The following FBXO32 variants were observed in gnomAD, a reference collection of about 807,000 sequenced individuals.
FBXO32 encodes the protein F-box only protein 32.
In FBXO32, 15 loss-of-function variants were observed where a neutral mutation model predicts 48.3. The ratio of observed to expected loss-of-function variants is 0.31; its 90% confidence interval spans 0.21 to 0.48. FBXO32 has a LOEUF of 0.48. Ranked by LOEUF, FBXO32 falls within the 20% of genes least tolerant of loss-of-function variation. The pLI is 0.99. For missense variants in FBXO32, 309 were observed against 432.7 expected (o/e 0.71, Z 2.54); for synonymous variants, 154 against 165.9 (o/e 0.93, Z 0.55).
chr8:123,516,678 T>C (rs1350896146), intron 4 of FBXO32, among the ~76,000 whole-genome samples: 3 of 152,198 alleles, frequency 2.0e-5, no homozygotes, highest in African/African-American at 7.2e-5. Context: ...TTCCTGAATG[T>C]AATTTTACTT....
chr8:123,533,224 T>G lies in FBXO32; in HGVS notation c.246A>C (p.Lys82Asn), dbSNP rs747063475. ...KTKTQYFHQEKWIYVHKGSTK... is the reference protein window; with the variant it reads ...KTKTQYFHQENWIYVHKGSTK... ...TACTTCCTTTGTGAACATAGATCCATTTTTCTTGGTGGAAATCTACAGAGA... is the reference window on the plus strand; with the variant it reads ...TACTTCCTTTGTGAACATAGATCCAGTTTTCTTGGTGGAAATCTACAGAGA... The change falls in exon 3 of 9, where the codon AAA becomes AAC. Residue 82 changes from lysine (K) to asparagine (N), a missense_variant. Lys to Asn is a moderately conservative substitution (Grantham distance 94, BLOSUM62 0). Transcript: ENST00000517956. 3.7e-6 allele frequency: 6 copies of G among 1,612,502 alleles called. No homozygotes were observed. In the South Asian group the frequency reaches 6.6e-5, roughly 18 times the overall value.
At chr8:123,539,516 G>A (rs1252762377) in intron 1 of FBXO32, among the ~76,000 whole-genome samples, 1 of 152,094 alleles carries the variant, frequency 6.6e-6, no homozygotes, top group African/African-American at 2.4e-5. Flanking sequence ...ACTCCCCTGG[G>A]ACAGCCTCCA....
At position 123,498,179 on chromosome 8, in the gene FBXO32, G is replaced by A. The variant is rs988594063; in HGVS notation, c.*5194C>T. The A allele has an allele frequency of 2.0e-5, 3 of 152,186 alleles. No homozygotes were observed. The highest frequency in any genetic ancestry group is 4.8e-5 in the African/African-American group (2 of 41,430). 9.4% of individuals were successfully genotyped at this position (152,186 alleles called of 1,614,324 possible). On this transcript the variant is annotated 3_prime_UTR_variant, in exon 9 of 9. Transcript: ENST00000517956. ...CAGGCTGTAATATACGCCCACTTTA[G>A]CCATGGTGATTGGCACTTGGTAGAA...
At chr8:123,528,244 C>A (rs1056601837) in intron 4 of FBXO32, among the ~76,000 whole-genome samples, 2 of 152,138 alleles carry the variant, frequency 1.3e-5, no homozygotes, top group Non-Finnish European at 1.5e-5. Context: ...CACTGCAGAG[C>A]CATTACATGG....
intron 4 of FBXO32, among the ~76,000 whole-genome samples, chr8:123,531,316 G>A (rs922685447): frequency 3.3e-5 from 5 of 152,138 alleles, no homozygotes; most frequent in African/African-American, 1.2e-4. Context: ...GTGGACATGG[G>A]ACTGAATACT....
chr8:123,510,771 C>T (rs966281881), intron 6 of FBXO32, among the ~76,000 whole-genome samples: 1 of 152,250 alleles, frequency 6.6e-6, no homozygotes, highest in African/African-American at 2.4e-5. Context: ...TACTGACTGT[C>T]TCCGGCTCTG....
chr8:123,535,598 C>T (rs1817293618), intron 1 of FBXO32, among the ~76,000 whole-genome samples: 1 of 152,196 alleles, frequency 6.6e-6, no homozygotes, highest in Non-Finnish European at 1.5e-5. Flanking sequence ...TGGGCAGGCT[C>T]ATCTCGGGCC....
Position 123,513,159 on chromosome 8 carries a change from G to A in FBXO32, c.651+39C>T. Reference sequence around the variant, plus strand: ...GAGTCTGTCCAGTATCCCTGTGGAGGGACCCACTGCCGGGAGGAGGCTGGG... The same window carrying A: ...GAGTCTGTCCAGTATCCCTGTGGAGAGACCCACTGCCGGGAGGAGGCTGGG... On this transcript the variant is annotated intron_variant, in intron 6 of 8. Coordinates refer to ENST00000517956, the MANE Select transcript of FBXO32 (RefSeq NM_058229.4). This position sits in a 1 kb window ranked among gnomAD's most constrained non-coding sequence, Gnocchi z 4.3. 1.2e-6 allele frequency: 2 copies of A among 1,607,274 alleles called. No homozygotes were observed.
intron 4 of FBXO32, among the ~76,000 whole-genome samples, chr8:123,523,036 G>T (rs529290013): frequency 6.6e-6 from 1 of 152,176 alleles, no homozygotes; most frequent in African/African-American, 2.4e-5. Flanking sequence ...GCAATTTGCC[G>T]CATGTGGAGA....
At chr8:123,536,821 CTCTTT>C (rs1817317286) in intron 1 of FBXO32, among the ~76,000 whole-genome samples, 1 of 152,194 alleles carries the variant, frequency 6.6e-6, no homozygotes, top group African/African-American at 2.4e-5. Flanking sequence ...TTTCATCTTA[CTCTTT>C]TCCAATTGAA....
At chr8:123,505,908 C>A (rs1393138248) in intron 7 of FBXO32, among the ~76,000 whole-genome samples, 3 of 152,072 alleles carry the variant, frequency 2.0e-5, no homozygotes, top group Non-Finnish European at 2.9e-5. Flanking sequence ...GAAACACACA[C>A]ACACACAACA....
chr8:123,526,502 CA>C (rs1817080127), intron 4 of FBXO32, among the ~76,000 whole-genome samples: 1 of 152,140 alleles, frequency 6.6e-6, no homozygotes, highest in Non-Finnish European at 1.5e-5. Flanking sequence ...GCTGGGATTA[CA>C]GACGTGAGCC....
chr8:123,513,089 A>T lies in FBXO32; in HGVS notation c.651+109T>A, dbSNP rs1265974608. 1 of 1,215,670 alleles carries T rather than the reference A, an allele frequency of 8.2e-7. No individual in the cohort carries two copies. Among genetic ancestry groups the T allele is most frequent in the Non-Finnish European group, 1.2e-6 (1 of 861,742 alleles). 75.3% of individuals were successfully genotyped at this position (1,215,670 alleles called of 1,614,324 possible). ...CACCAGAACAAAGCAGCAGATCAGAAAAGACCAGACTCTTCCGTCACAGGA... is the reference window on the plus strand; with the variant it reads ...CACCAGAACAAAGCAGCAGATCAGATAAGACCAGACTCTTCCGTCACAGGA... On this transcript the variant is annotated intron_variant, in intron 6 of 8. Coordinates refer to ENST00000517956, the MANE Select transcript of FBXO32 (RefSeq NM_058229.4). This position sits in a 1 kb window ranked among gnomAD's most constrained non-coding sequence, Gnocchi z 4.3.
chr8:123,524,965 T>C (rs925142099), intron 4 of FBXO32, among the ~76,000 whole-genome samples: 5 of 152,250 alleles, frequency 3.3e-5, no homozygotes, highest in Admixed American at 2.0e-4. Flanking sequence ...CCACTGCATG[T>C]ACAGCCTTAA....
chr8:123,522,737 G>T (rs1408375687), intron 4 of FBXO32, among the ~76,000 whole-genome samples: 5 of 151,988 alleles, frequency 3.3e-5, no homozygotes, highest in African/African-American at 1.2e-4. Flanking sequence ...TACATTGCTT[G>T]TCCCTGCAAA....
chr8:123,514,376 T>TA, intron 4 of FBXO32, 43 bp from the exon 5 acceptor site: 1 of 1,507,990 alleles, frequency 6.6e-7, no homozygotes, highest in Non-Finnish European at 9.1e-7. Flanking sequence ...AGTACAGAGA[T>TA]ATTTTTCTCC....
At chr8:123,522,742 T>A (rs1488471944) in intron 4 of FBXO32, among the ~76,000 whole-genome samples, 1 of 152,204 alleles carries the variant, frequency 6.6e-6, no homozygotes, top group Non-Finnish European at 1.5e-5. Context: ...TGCTTGTCCC[T>A]GCAAAGCCTT....
At chr8:123,515,854 T>G (rs1039993250) in intron 4 of FBXO32, among the ~76,000 whole-genome samples, 2 of 152,106 alleles carry the variant, frequency 1.3e-5, no homozygotes, top group African/African-American at 4.8e-5. Flanking sequence ...TAGCCGGGCA[T>G]GGTGGCACAT....
intron 4 of FBXO32, among the ~76,000 whole-genome samples, chr8:123,520,664 CT>C: frequency 6.6e-6 from 1 of 152,320 alleles, no homozygotes; most frequent in African/African-American, 2.4e-5. Context: ...TCTCACTGCT[CT>C]CGTATCAAGA....
Sources: allele counts gnomAD v4.1 joint callset (sites outside exome capture counted in the v4.1 genomes callset), GRCh38; gene constraint gnomAD v4.1.1; non-coding constraint Gnocchi (gnomAD v3.1); transcripts MANE v1.5; gene names NCBI Gene and HGNC (gene_info 2026-07-23, HGNC 2026-07-21).